The following NDST4 variants were observed in gnomAD, a reference collection of about 807,000 sequenced individuals.
The protein encoded by NDST4 is N-heparan sulfate sulfotransferase 4.
Under a neutral mutation model 100.8 loss-of-function variants are expected in NDST4, and 63 were observed. The observed-to-expected ratio is 0.62, with a 90% CI of 0.51 to 0.77. The LOEUF (loss-of-function observed/expected upper bound fraction) is 0.77, where lower values mean the gene tolerates loss of function less well. NDST4 is among the 30% of genes least tolerant of loss of function. The pLI is 0.00. For missense variants in NDST4, 943 were observed against 1,018.4 expected (o/e 0.93, Z 1.01); for synonymous variants, 377 against 361.8 (o/e 1.04, Z -0.48).
chr4:115,046,619 A>ATGTG (rs36211109), intron 2 of NDST4, among the ~76,000 whole-genome samples: 1 of 150,578 alleles, frequency 6.6e-6, no homozygotes, highest in East Asian at 1.9e-4. Flanking sequence ...TCCCTGTGTG[A>ATGTG]TGTGTGTGTG....
chr4:114,954,543 A>G (rs978215024), intron 4 of NDST4, among the ~76,000 whole-genome samples: 2 of 152,214 alleles, frequency 1.3e-5, no homozygotes, highest in African/African-American at 2.4e-5. Flanking sequence ...AAGATAAGTA[A>G]CTTACTTATT....
At chr4:115,056,877 G>C (rs1728705917) in intron 2 of NDST4, among the ~76,000 whole-genome samples, 1 of 138,868 alleles carries the variant, frequency 7.2e-6, no homozygotes, top group Non-Finnish European at 1.6e-5. Flanking sequence ...ATTACGGTCA[G>C]AGATCAATTT....
intron 10 of NDST4, among the ~76,000 whole-genome samples, chr4:114,839,803 T>C (rs1413760832): frequency 6.6e-6 from 1 of 152,198 alleles, no homozygotes; most frequent in Non-Finnish European, 1.5e-5. Flanking sequence ...TAAATTAAAG[T>C]ACAAGCCTTC....
chr4:114,997,545 A>C (rs1727191238), intron 2 of NDST4, among the ~76,000 whole-genome samples: 4 of 152,066 alleles, frequency 2.6e-5, no homozygotes, highest in Admixed American at 2.6e-4. Context: ...AGTAATCAGA[A>C]TATTGAAGCA....
chr4:114,882,091 C>T (rs1421233847), intron 6 of NDST4, among the ~76,000 whole-genome samples: 5 of 151,414 alleles, frequency 3.3e-5, no homozygotes, highest in Non-Finnish European at 7.4e-5. Context: ...TCAAAATTTT[C>T]TCACACATGT....
Position 115,077,184 on chromosome 4 carries a change from G to C in NDST4, c.-148C>G. 1 of 732,058 alleles carries C rather than the reference G, an allele frequency of 1.4e-6. No homozygotes were observed. The highest frequency in any genetic ancestry group is 2.2e-6 in the Non-Finnish European group (1 of 463,210). The allele number at this position is 732,058 out of a possible 1,614,324, so 45.3% of individuals were successfully genotyped here. ...TAAAATGTTTGAAGGGAGCACAACT[G>C]AGTTAAAGCTGGAAGGCAATAGATG... is the stretch of plus-strand genomic sequence containing the variant. On this transcript the variant is annotated 5_prime_UTR_variant, in exon 2 of 14. Coordinates refer to ENST00000264363, the MANE Select transcript of NDST4 (RefSeq NM_022569.3).
chr4:114,866,778 A>G (rs181601722), intron 7 of NDST4, among the ~76,000 whole-genome samples: 3 of 152,272 alleles, frequency 2.0e-5, no homozygotes, highest in Admixed American at 2.0e-4. Flanking sequence ...AATTTGTAAC[A>G]CTATTTTGTT....
chr4:115,073,077 G>A (rs963127818), intron 2 of NDST4, among the ~76,000 whole-genome samples: 3 of 151,758 alleles, frequency 2.0e-5, no homozygotes, highest in Admixed American at 1.3e-4. Flanking sequence ...AAATAACATC[G>A]CTAACTATCA....
At chr4:114,926,711 C>T (rs529900312) in intron 6 of NDST4, among the ~76,000 whole-genome samples, 67 of 152,174 alleles carry the variant, frequency 4.4e-4, no homozygotes, top group Non-Finnish European at 8.2e-4. Context: ...TTTGTTGTGG[C>T]ATTTGCCTTT....
chr4:115,056,201 C>T (rs951063645), intron 2 of NDST4, among the ~76,000 whole-genome samples: 1 of 151,862 alleles, frequency 6.6e-6, no homozygotes, highest in Non-Finnish European at 1.5e-5. Flanking sequence ...AAGATATAAA[C>T]ATGAGCCAAG....
intron 6 of NDST4, among the ~76,000 whole-genome samples, chr4:114,931,563 T>C (rs1004684422): frequency 1.3e-5 from 2 of 151,396 alleles, no homozygotes; most frequent in African/African-American, 4.8e-5. Flanking sequence ...TCAATGAAAC[T>C]AAGAGTTGGA....
intron 6 of NDST4, among the ~76,000 whole-genome samples, chr4:114,899,979 T>C (rs1468224959): frequency 6.6e-6 from 1 of 152,144 alleles, no homozygotes; most frequent in Non-Finnish European, 1.5e-5. Flanking sequence ...GATCTTTGTT[T>C]TGGAAGGTAA....
At chr4:115,047,581 C>G (rs878925725) in intron 2 of NDST4, among the ~76,000 whole-genome samples, 1 of 151,972 alleles carries the variant, frequency 6.6e-6, no homozygotes, top group Non-Finnish European at 1.5e-5. Flanking sequence ...TTACAAGATG[C>G]AACTTTTATT....
Position 114,949,435 on chromosome 4 carries a change from T to C in NDST4, c.1222-11932A>G, listed in dbSNP as rs565962968. 2.0e-5 allele frequency among the ~76,000 whole-genome samples: 3 copies of C among 151,950 alleles called. No homozygotes were observed. In the South Asian group the frequency reaches 6.2e-4, roughly 31 times the overall value. ...CCCAAAAACAGTAAACTGAAAAACA[T>C]AGGAATTTTATTTTTATTTTTTTCT... is the stretch of plus-strand genomic sequence containing the variant. On this transcript the variant is annotated intron_variant, in intron 4 of 13. Transcript: ENST00000264363.
chr4:114,875,113 A>G (rs1483069075), intron 6 of NDST4, among the ~76,000 whole-genome samples: 1 of 152,188 alleles, frequency 6.6e-6, no homozygotes, highest in African/African-American at 2.4e-5. Flanking sequence ...TAAGATGTTC[A>G]GTATGTGCTA....
chr4:114,857,796 T>A (rs1723830056), intron 7 of NDST4, among the ~76,000 whole-genome samples: 1 of 152,178 alleles, frequency 6.6e-6, no homozygotes, highest in African/African-American at 2.4e-5. Flanking sequence ...TGGCATAGGA[T>A]GGACAGGACA....
intron 2 of NDST4, among the ~76,000 whole-genome samples, chr4:114,995,233 A>G (rs1228037232): frequency 6.6e-6 from 1 of 152,016 alleles, no homozygotes; most frequent in Non-Finnish European, 1.5e-5. Context: ...GTTAAGGGAA[A>G]TATGAATGTA....
chr4:114,970,655 T>A (rs577756224), intron 3 of NDST4, 71 bp from the exon 4 acceptor site: 4 of 1,339,400 alleles, frequency 3.0e-6, no homozygotes, highest in Non-Finnish European at 4.1e-6. Flanking sequence ...TTTTGTCAGA[T>A]TTATGTTAAT....
chr4:115,010,444 A>C lies in NDST4; in HGVS notation c.979-33170T>G, dbSNP rs1490650827. On this transcript the variant is annotated intron_variant, in intron 2 of 13. Transcript: ENST00000264363. ...AGTAAGCTATCGCAAGAACAAAAAA[A>C]CAAACACCGCATATTCTTACTCATA... 2.3e-5 allele frequency among the ~76,000 whole-genome samples: 3 copies of C among 128,532 alleles called. 1 individual carries two copies. Among genetic ancestry groups the C allele is most frequent in the South Asian group, 6.0e-4 (2 of 3,310 alleles). The allele number at this position is 128,532 out of a possible 152,430, so 84.3% of individuals were successfully genotyped here.
Sources: gnomAD v4.1 joint callset for allele counts (sites outside exome capture counted in the v4.1 genomes callset) on GRCh38, gnomAD v4.1.1 for gene constraint, MANE v1.5 for transcripts, NCBI Gene and HGNC (gene_info 2026-07-23, HGNC 2026-07-21) for gene names.